BRCA2: variants seen among roughly 807,000 people sequenced by gnomAD.
BRCA2 encodes the protein breast cancer type 2 susceptibility protein.
A neutral mutation model predicts 276.7 loss-of-function variants in BRCA2; 203 were observed. The observed-to-expected ratio is 0.73, with a 90% CI of 0.65 to 0.82. The LOEUF (loss-of-function observed/expected upper bound fraction) is 0.82. Among genes scored for constraint, BRCA2 ranks in the 40% least tolerant of loss-of-function variants. The probability of loss-of-function intolerance (pLI) is 0.00; values close to 1 mark genes in which losing one functional copy is unlikely to be tolerated. For synonymous variants in BRCA2, 1,289 were observed against 1,338.4 expected, an observed-to-expected ratio of 0.96 and a Z score of 0.81; for missense variants, 3,920 against 3,915.0, an observed-to-expected ratio of 1.00 and a Z score of -0.03.
chr13:32,325,978 A>G (rs1194151488), intron 4 of BRCA2, 123 bp from the exon 5 acceptor site: 29 of 843,918 alleles, frequency 3.4e-5, no homozygotes, highest in South Asian at 1.0e-4. Flanking sequence ...AATGTAATAT[A>G]AAATATCTAA....
chr13:32,333,306 A>C lies in BRCA2; in HGVS notation c.1828A>C (p.Lys610Gln). 1 of 1,606,378 alleles carries C rather than the reference A, an allele frequency of 6.2e-7. No homozygotes were observed. Among genetic ancestry groups the C allele is most frequent in the East Asian group, 2.2e-5 (1 of 44,840 alleles). ...AGGAAAAAAAATACCGAAAGACCAA[A>C]AATCAGAACTAATTAACTGTTCAGC... ...YKGKKIPKDQ[K>Q]SELINCSAQF... Residue 610 changes from lysine to glutamine, a missense_variant, in exon 10 of 27, where the codon AAA becomes CAA. Lys to Gln is a moderately conservative substitution (Grantham distance 53). Around this residue, in one of 2 missense-constraint regions of BRCA2, gnomAD observed 3,263 missense variants for 3,156.9 expected, o/e 1.03. Coordinates refer to ENST00000380152, the MANE Select transcript of BRCA2 (RefSeq NM_000059.4).
At position 32,326,577 on chromosome 13, in the gene BRCA2, G is replaced by C. The variant is rs376582345; in HGVS notation, c.595G>C (p.Ala199Pro). ...DPDMSWSSSL[A>P]TPPTLSSTVL... is the part of the protein sequence containing the mutation. ...TGATATGTCTTGGTCAAGTTCTTTA[G>C]CTACACCACCCACCCTTAGTTCTAC... is the stretch of plus-strand genomic sequence containing the variant. Residue 199 changes from alanine to proline, a missense_variant, in exon 7 of 27, where the codon GCT (alanine) becomes CCT (proline). Transcript: ENST00000380152. 3 of 1,612,638 alleles carry C rather than the reference G, an allele frequency of 1.9e-6. No homozygotes were observed. The Admixed American group carries it at 5.0e-5, about 27-fold the overall frequency.
chr13:32,388,037 C>T (rs541110841), intron 24 of BRCA2, among the ~76,000 whole-genome samples: 1 of 151,804 alleles, frequency 6.6e-6, no homozygotes, highest in Non-Finnish European at 1.5e-5. Context: ...TGTCTTGTGT[C>T]TTTATTTCTT....
At chr13:32,329,337 A>G in intron 7 of BRCA2, 106 bp from the exon 8 acceptor site, 1 of 744,450 alleles carries the variant, frequency 1.3e-6, no homozygotes, top group Admixed American at 2.5e-5. Flanking sequence ...TTTGTTTCAA[A>G]TGTGTCATGT....
chr13:32,375,933 G>A (rs2072868288), intron 20 of BRCA2, among the ~76,000 whole-genome samples: 2 of 152,162 alleles, frequency 1.3e-5, no homozygotes, highest in African/African-American at 4.8e-5. Flanking sequence ...AATGGATATT[G>A]TGTTAGGAGT....
In BRCA2 at chr13:32,398,855, T is replaced by C; in HGVS notation, c.*85T>C. On this transcript the variant is annotated 3_prime_UTR_variant, in exon 27 of 27. Transcript: ENST00000380152. ...AATATAATTTCAAACCACACATTAG[T>C]ACTTATGTTGCACAATGAGAAAAGA... 1.3e-6 allele frequency: 2 copies of C among 1,491,482 alleles called. No homozygotes were observed. The highest frequency in any genetic ancestry group is 1.8e-6 in the Non-Finnish European group (2 of 1,105,276). 92.4% of individuals were successfully genotyped at this position (1,491,482 alleles called of 1,614,324 possible). A position where few individuals can be genotyped will look rare whatever the true frequency, so the allele number is the denominator to read the frequency against.
At position 32,370,415 on chromosome 13, in the gene BRCA2, G is replaced by A. The variant is rs749770064; in HGVS notation, c.8345G>A (p.Ser2782Asn). The change falls in exon 19 of 27, where the codon AGT becomes AAT. Residue 2782 changes from serine to asparagine, a missense_variant. Transcript: ENST00000380152. ...TAATTTGTCCAGATTTCTGCTAACA[G>A]TACTCGGCCTGCTCGCTGGTATACC... The part of the protein sequence containing the change: ...ESLMLKISAN[S>N]TRPARWYTKL... 6.2e-7 allele frequency: 1 copy of A among 1,613,604 alleles called. No homozygotes were observed.
intron 26 of BRCA2, 76 bp downstream of exon 26, chr13:32,397,120 TA>T (rs1314080564): frequency 6.9e-7 from 1 of 1,447,944 alleles, no homozygotes; most frequent in Non-Finnish European, 9.6e-7. Context: ...GTATACCTAG[TA>T]AACATGGTAA....
At chr13:32,352,465 G>T (rs2072659669) in intron 13 of BRCA2, among the ~76,000 whole-genome samples, 1 of 152,132 alleles carries the variant, frequency 6.6e-6, no homozygotes, top group Non-Finnish European at 1.5e-5. Context: ...GAATTATAAT[G>T]TAATATAAAT....
At chr13:32,383,793 C>A (rs909827161) in intron 24 of BRCA2, among the ~76,000 whole-genome samples, 1 of 151,652 alleles carries the variant, frequency 6.6e-6, no homozygotes, top group Non-Finnish European at 1.5e-5. Context: ...GTGAACTGGG[C>A]AGATCAAAGG....
At chr13:32,349,522 TA>T (rs1043049112) in intron 13 of BRCA2, among the ~76,000 whole-genome samples, 59 of 152,024 alleles carry the variant, frequency 3.9e-4, no homozygotes, top group African/African-American at 1.1e-3. Context: ...CAAAATGGAA[TA>T]AGTTGAAATT....
At chr13:32,319,816 A>G (rs1461312953) in intron 3 of BRCA2, among the ~76,000 whole-genome samples, 1 of 152,214 alleles carries the variant, frequency 6.6e-6, no homozygotes, top group African/African-American at 2.4e-5. Context: ...TAAGTAATGA[A>G]CTTTCCCTTT....
chr13:32,315,603 A>G lies in BRCA2; in HGVS notation c.-104A>G, dbSNP rs2072247846. 6.6e-6 allele frequency: 1 copy of G among 152,294 alleles called. No individual in the cohort carries two copies. 9.4% of individuals were successfully genotyped at this position (152,294 alleles called of 1,614,324 possible). A position where few individuals can be genotyped will look rare whatever the true frequency, so the allele number is the denominator to read the frequency against. ...CGCCGGGAGAAGCGTGAGGGGACAG[A>G]TTTGTGACCGGCGCGGTTTTTGTCA... On this transcript the variant is annotated 5_prime_UTR_variant, in exon 1 of 27. Transcript: ENST00000380152.
chr13:32,397,138 ATTAAAC>A, intron 26 of BRCA2, 94 bp downstream of exon 26: 3 of 1,344,142 alleles, frequency 2.2e-6, no homozygotes, highest in Non-Finnish European at 3.1e-6. Flanking sequence ...GTAAAATGTA[ATTAAAC>A]TTAATTAGAA....
chr13:32,349,352 C>T lies in BRCA2; in HGVS notation c.7007+2456C>T, dbSNP rs11571692. Among the ~76,000 whole-genome samples the T allele has an allele frequency of 7.6e-3, 1,094 of 143,572 alleles. 11 individuals carry two copies. Among genetic ancestry groups the T allele is most frequent in the Middle Eastern group, 0.022 (6 of 270 alleles). The allele number at this position is 143,572 out of a possible 152,430, so 94.2% of individuals were successfully genotyped here. A position where few individuals can be genotyped will look rare whatever the true frequency, so the allele number is the denominator to read the frequency against. On this transcript the variant is annotated intron_variant, in intron 13 of 26. Coordinates refer to ENST00000380152, the MANE Select transcript of BRCA2 (RefSeq NM_000059.4). ...AAAAAACAAGGAAAATAGGAAATAA[C>T]AAAGTAACTAAATTTCTCAAAGCAT...
At position 32,326,044 on chromosome 13, in the gene BRCA2, A is replaced by G. The variant is rs1228305709; in HGVS notation, c.426-57A>G. ...GAATCTTCTTTTAAAAATAAGATAA[A>G]CTAGTTTTTGCCAGTTTTTTAAAAT... On this transcript the variant is annotated intron_variant, in intron 4 of 26. Coordinates refer to ENST00000380152, the MANE Select transcript of BRCA2 (RefSeq NM_000059.4). The G allele has an allele frequency of 3.5e-6, 5 of 1,434,330 alleles. No homozygotes were observed. Among genetic ancestry groups the G allele is most frequent in the African/African-American group, 1.4e-5 (1 of 69,878 alleles). The allele number at this position is 1,434,330 out of a possible 1,614,324, so 88.9% of individuals were successfully genotyped here.
At chr13:32,320,166 A>G (rs1361722982) in intron 3 of BRCA2, among the ~76,000 whole-genome samples, 1 of 152,248 alleles carries the variant, frequency 6.6e-6, no homozygotes, top group African/African-American at 2.4e-5. Context: ...AGACAAGGCA[A>G]AAAGGCAGAC....
chr13:32,350,126 T>G (rs904267790), intron 13 of BRCA2, among the ~76,000 whole-genome samples: 2 of 152,150 alleles, frequency 1.3e-5, no homozygotes, highest in Admixed American at 1.3e-4. Context: ...AGTCAACAAG[T>G]TCTATCTTTG....
chr13:32,398,087 A>G (rs1230350411), intron 26 of BRCA2, 75 bp from the exon 27 acceptor site: 14 of 1,489,660 alleles, frequency 9.4e-6, no homozygotes, highest in Middle Eastern at 1.9e-4. Context: ...AATATTTTCA[A>G]TGAAAAGTTA....
Sources: gnomAD v4.1 joint callset for allele counts (sites outside exome capture counted in the v4.1 genomes callset) on GRCh38, gnomAD v4.1.1 for gene constraint, gnomAD v4.1.1 regional missense constraint, MANE v1.5 for transcripts, NCBI Gene and HGNC (gene_info 2026-07-23, HGNC 2026-07-21) for gene names.